Variants in CHN2 observed in about 807,000 individuals in gnomAD.
CHN2 encodes chimerin 2.
CHN2 carries 35 observed loss-of-function variants against 56.3 expected under a neutral mutation model. That is an observed-to-expected ratio of 0.62 (90% CI 0.47 to 0.82). CHN2 has a LOEUF of 0.82. Among genes scored for constraint, CHN2 ranks in the 40% least tolerant of loss-of-function variants. CHN2 has a pLI of 0.00. For synonymous variants in CHN2, 210 were observed against 212.8 expected, an observed-to-expected ratio of 0.99 and a Z score of 0.12; for missense variants, 491 against 580.5, an observed-to-expected ratio of 0.85 and a Z score of 1.58.
At chr7:29,359,038 CCAAAAG>C (rs1303835491) in intron 2 of CHN2, among the ~76,000 whole-genome samples, 1 of 152,164 alleles carries the variant, frequency 6.6e-6, no homozygotes, top group Non-Finnish European at 1.5e-5. Context: ...GCTTCCTTAT[CCAAAAG>C]CAACAGGCAA....
intron 1 of CHN2, among the ~76,000 whole-genome samples, chr7:29,283,545 G>C (rs1008807825): frequency 1.3e-5 from 2 of 152,088 alleles, no homozygotes; most frequent in Non-Finnish European, 2.9e-5. Context: ...AGTTGATTTT[G>C]GGTTAATCAA....
At chr7:29,410,321 AATT>A (rs952497687) in intron 6 of CHN2, among the ~76,000 whole-genome samples, 13 of 151,912 alleles carry the variant, frequency 8.6e-5, no homozygotes, top group African/African-American at 3.1e-4. Context: ...TCTTTTTAGT[AATT>A]ATATGGTGGT....
At chr7:29,252,578 GTTTTTTTTTTTTT>G (rs545289689) in intron 1 of CHN2, among the ~76,000 whole-genome samples, 2 of 19,496 alleles carry the variant, frequency 1.0e-4, no homozygotes, top group East Asian at 1.5e-3. Context: ...TGCATTCTTT[GTTTTTTTTTTTTT>G]TTTTTTTTTT....
chr7:29,279,506 A>G (rs1451613805), intron 1 of CHN2, among the ~76,000 whole-genome samples: 1 of 152,260 alleles, frequency 6.6e-6, no homozygotes, highest in Non-Finnish European at 1.5e-5. Flanking sequence ...CCTTCACTAG[A>G]GAAAGACCTT....
intron 1 of CHN2, among the ~76,000 whole-genome samples, chr7:29,329,082 C>T (rs930549899): frequency 3.3e-5 from 5 of 151,994 alleles, no homozygotes; most frequent in African/African-American, 1.2e-4. Context: ...TTATTCATTG[C>T]AGACTGAAAA....
intron 1 of CHN2, among the ~76,000 whole-genome samples, chr7:29,263,894 G>T (rs1180213775): frequency 1.3e-5 from 2 of 151,382 alleles, no homozygotes; most frequent in Non-Finnish European, 2.9e-5. Context: ...GAAGTGAGGA[G>T]CGTCTCCGCC....
chr7:29,298,531 G>A (rs1793375643), intron 1 of CHN2, among the ~76,000 whole-genome samples: 1 of 152,160 alleles, frequency 6.6e-6, no homozygotes, highest in Admixed American at 6.5e-5. Context: ...AATGCTTGCT[G>A]AGATTTGGGT....
chr7:29,374,516 C>A (rs1380698329), intron 3 of CHN2, among the ~76,000 whole-genome samples: 1 of 152,094 alleles, frequency 6.6e-6, no homozygotes, highest in Admixed American at 6.5e-5. Flanking sequence ...TAAAATAATA[C>A]AGATCCCCGC....
intron 7 of CHN2, among the ~76,000 whole-genome samples, chr7:29,493,051 T>A (rs1189996922): frequency 6.6e-6 from 1 of 152,192 alleles, no homozygotes; most frequent in African/African-American, 2.4e-5. Context: ...ACCACATATA[T>A]CATGGTGAAC....
In CHN2 at chr7:29,212,425, C is replaced by T. The variant is rs1267609756; in HGVS notation, c.49+17435C>T. The stretch of plus-strand genomic sequence containing the variant: ...AACTATCCATCCTTGCAAATGTCTT[C>T]TGCTGAGATGCCTCACACGGAGACT... On this transcript the variant is annotated intron_variant, in intron 1 of 12. Coordinates refer to ENST00000222792, the MANE Select transcript of CHN2 (RefSeq NM_004067.4). 6.8e-6 allele frequency: 11 copies of T among 1,607,350 alleles called. No individual in the cohort carries two copies. In the African/African-American group the frequency reaches 1.1e-4, roughly 16 times the overall value.
At chr7:29,457,013 T>C (rs937113508) in intron 6 of CHN2, among the ~76,000 whole-genome samples, 9 of 152,136 alleles carry the variant, frequency 5.9e-5, no homozygotes, top group Non-Finnish European at 1.2e-4. Context: ...TTCCAGAATA[T>C]TCTGGACAAA....
At position 29,337,165 on chromosome 7, in the gene CHN2, G is replaced by A. The variant is rs543444875; in HGVS notation, c.50-17460G>A. Among the ~76,000 whole-genome samples the A allele has an allele frequency of 7.2e-5, 11 of 152,294 alleles. No individual in the cohort carries two copies. In the South Asian group the frequency reaches 1.0e-3, roughly 14 times the overall value. ...GTAAATGTTTGTTAAATGGAGAGAG[G>A]AGAACATGAACAAATGATCTTTTAT... On this transcript the variant is annotated intron_variant, in intron 1 of 12. Coordinates refer to ENST00000222792, the MANE Select transcript of CHN2 (RefSeq NM_004067.4).
intron 6 of CHN2, among the ~76,000 whole-genome samples, chr7:29,468,411 G>C (rs973958642): frequency 1.3e-5 from 2 of 152,092 alleles, no homozygotes; most frequent in African/African-American, 2.4e-5. Flanking sequence ...CACCAAGGGA[G>C]GGAGTGCACT....
intron 2 of CHN2, among the ~76,000 whole-genome samples, chr7:29,362,044 C>G (rs1280828532): frequency 6.6e-6 from 1 of 152,320 alleles, no homozygotes; most frequent in African/African-American, 2.4e-5. Context: ...TCTTGAAGAG[C>G]TTTAAAAAGA....
intron 8 of CHN2, among the ~76,000 whole-genome samples, chr7:29,499,630 G>T (rs1452684416): frequency 6.6e-6 from 1 of 152,172 alleles, no homozygotes; most frequent in African/African-American, 2.4e-5. Context: ...CAGATGTTCT[G>T]TTCTTAAGGT....
At chr7:29,482,626 C>T (rs188803821) in intron 7 of CHN2, among the ~76,000 whole-genome samples, 1 of 151,984 alleles carries the variant, frequency 6.6e-6, no homozygotes, top group East Asian at 1.9e-4. Flanking sequence ...TTTTTATTTA[C>T]ATTAACTTCT....
chr7:29,463,904 C>G (rs1331124235), intron 6 of CHN2, among the ~76,000 whole-genome samples: 1 of 152,214 alleles, frequency 6.6e-6, no homozygotes, highest in African/African-American at 2.4e-5. Flanking sequence ...TGAATTGTAC[C>G]TTATGCCATC....
At chr7:29,406,659 C>T (rs1014841943) in intron 6 of CHN2, among the ~76,000 whole-genome samples, 7 of 152,168 alleles carry the variant, frequency 4.6e-5, no homozygotes, top group African/African-American at 1.7e-4. Flanking sequence ...AAGCATGGCC[C>T]TCGGGAACCA....
In CHN2 at chr7:29,216,023, G is replaced by T. The variant is rs151231914; in HGVS notation, c.49+21033G>T. Among the ~76,000 whole-genome samples, 179 of 152,288 alleles carry T rather than the reference G, an allele frequency of 1.2e-3. 3 individuals are homozygous for T. Among genetic ancestry groups the T allele is most frequent in the Middle Eastern group, 6.8e-3 (2 of 294 alleles). ...AGTAATTCTCCAGGTGTAATGACTG[G>T]CAAGCTGTCGAGTAGAAATGGCAGA... On this transcript the variant is annotated intron_variant, in intron 1 of 12. Coordinates refer to ENST00000222792, the MANE Select transcript of CHN2 (RefSeq NM_004067.4).
Sources: gnomAD v4.1 joint callset for allele counts (sites outside exome capture counted in the v4.1 genomes callset) on GRCh38, gnomAD v4.1.1 for gene constraint, MANE v1.5 for transcripts, NCBI Gene and HGNC (gene_info 2026-07-23, HGNC 2026-07-21) for gene names.